Variants in SGCZ observed in about 807,000 individuals in gnomAD.
The protein encoded by SGCZ is sarcoglycan zeta, also known as zeta-sarcoglycan.
In SGCZ, 40 loss-of-function variants were observed where a neutral mutation model predicts 41.3. The observed-to-expected ratio is 0.97, with a 90% CI of 0.75 to 1.26. The LOEUF is 1.26. SGCZ is among the 50% of genes most tolerant of loss of function. The pLI is 0.00. For missense variants in SGCZ, 552 were observed against 369.8 expected, an observed-to-expected ratio of 1.49 and a Z score of -4.04; for synonymous variants, 206 against 137.5, an observed-to-expected ratio of 1.50 and a Z score of -3.49.
intron 1 of SGCZ, among the ~76,000 whole-genome samples, chr8:14,613,919 G>A (rs968341420): frequency 6.6e-6 from 1 of 152,100 alleles, no homozygotes; most frequent in East Asian, 1.9e-4. Flanking sequence ...TCTAGCAGAC[G>A]TTATCTTGCC....
intron 2 of SGCZ, among the ~76,000 whole-genome samples, chr8:14,453,006 G>A (rs1298748530): frequency 2.0e-5 from 3 of 152,038 alleles, no homozygotes; most frequent in Non-Finnish European, 2.9e-5. Context: ...GGGAGGCTGA[G>A]GCACAAGAAT....
Position 14,343,514 on chromosome 8 carries a change from A to C in SGCZ, c.235-19310T>G, listed in dbSNP as rs1057169134. Reference sequence around the variant, plus strand: ...ATGTTTTCCCTCAAGTCATTTGCTGATTAGAGGCTAAGGAGCTAAATTTAA... The same window carrying C: ...ATGTTTTCCCTCAAGTCATTTGCTGCTTAGAGGCTAAGGAGCTAAATTTAA... On this transcript the variant is annotated intron_variant, in intron 2 of 7. Transcript: ENST00000382080. 3.9e-5 allele frequency among the ~76,000 whole-genome samples: 6 copies of C among 152,218 alleles called. No homozygotes were observed. In the South Asian group the frequency reaches 8.3e-4, roughly 21 times the overall value.
chr8:14,506,889 C>T (rs957826544), intron 2 of SGCZ, among the ~76,000 whole-genome samples: 1 of 152,168 alleles, frequency 6.6e-6, no homozygotes. Flanking sequence ...CAGGCTCCTC[C>T]TCATCCCCTT....
chr8:14,594,699 A>G (rs1195079962), intron 1 of SGCZ, among the ~76,000 whole-genome samples: 1 of 151,934 alleles, frequency 6.6e-6, no homozygotes, highest in Non-Finnish European at 1.5e-5. Flanking sequence ...TAAAAATAAA[A>G]TATGAATAAC....
intron 1 of SGCZ, among the ~76,000 whole-genome samples, chr8:14,833,780 T>C (rs971592029): frequency 3.3e-5 from 5 of 151,260 alleles, no homozygotes; most frequent in Admixed American, 2.6e-4. Flanking sequence ...AGTCTTTCAA[T>C]CTTGGAAGAA....
chr8:14,089,600 T>C lies in SGCZ; in HGVS notation c.*843A>G, dbSNP rs1048494852. Among the ~76,000 whole-genome samples, 1 of 152,070 alleles carries C rather than the reference T, an allele frequency of 6.6e-6. No individual in the cohort carries two copies. The highest frequency in any genetic ancestry group is 2.4e-5 in the African/African-American group (1 of 41,436). On this transcript the variant is annotated 3_prime_UTR_variant, in exon 8 of 8. Coordinates refer to ENST00000382080, the MANE Select transcript of SGCZ (RefSeq NM_139167.4). The stretch of plus-strand genomic sequence containing the variant: ...ATTTTTTAAAAATCATCTATGGATT[T>C]AATACCATCAACATATCCTTCTTAA...
At chr8:14,139,305 C>T (rs1013597236) in intron 5 of SGCZ, among the ~76,000 whole-genome samples, 2 of 152,108 alleles carry the variant, frequency 1.3e-5, no homozygotes, top group Non-Finnish European at 2.9e-5. Flanking sequence ...AGAGCAAACA[C>T]ATTCCAAAGC....
intron 1 of SGCZ, among the ~76,000 whole-genome samples, chr8:14,798,542 G>A (rs28690756): frequency 6.6e-6 from 1 of 151,986 alleles, no homozygotes; most frequent in African/African-American, 2.4e-5. Context: ...AAAAAAGCAA[G>A]ACTTTGGAAA....
chr8:14,099,994 A>G (rs552630228), intron 7 of SGCZ, among the ~76,000 whole-genome samples: 1 of 152,304 alleles, frequency 6.6e-6, no homozygotes, highest in South Asian at 2.1e-4. Context: ...CATGACTGAT[A>G]CTAAGTAGTT....
At chr8:15,181,731 A>G (rs1297810636) in intron 1 of SGCZ, among the ~76,000 whole-genome samples, 1 of 152,214 alleles carries the variant, frequency 6.6e-6, no homozygotes, top group Non-Finnish European at 1.5e-5. Context: ...AACAGTTGTT[A>G]TGGGAAGTAA....
At chr8:15,079,668 G>C (rs2131042297) in intron 1 of SGCZ, among the ~76,000 whole-genome samples, 1 of 152,202 alleles carries the variant, frequency 6.6e-6, no homozygotes. Context: ...ATTGTTCAAA[G>C]GTTTTCCGAT....
rs547222900 is a variant in SGCZ, at chr8:14,811,330, C to T, written c.40-256404G>A. On this transcript the variant is annotated intron_variant, in intron 1 of 7. Transcript: ENST00000382080. ...TCAGTTTATACATATCAAAACCCAC[C>T]TATAAACTTTATTTGAATGATGAGC... Among the ~76,000 whole-genome samples, 19 of 151,826 alleles carry T rather than the reference C, an allele frequency of 1.3e-4. No individual in the cohort carries two copies. The South Asian group carries it at 3.7e-3, about 30-fold the overall frequency.
At chr8:14,507,189 G>A (rs562029148) in intron 2 of SGCZ, among the ~76,000 whole-genome samples, 1 of 149,328 alleles carries the variant, frequency 6.7e-6, no homozygotes, top group African/African-American at 2.5e-5. Flanking sequence ...TGCAAATCAA[G>A]TCAACTCTGC....
At chr8:14,235,172 C>G (rs762949566) in intron 4 of SGCZ, among the ~76,000 whole-genome samples, 16 of 152,100 alleles carry the variant, frequency 1.1e-4, no homozygotes, top group African/African-American at 3.9e-4. Context: ...GGCACCCAAC[C>G]AACTACTAAA....
chr8:14,697,126 C>G lies in SGCZ; in HGVS notation c.40-142200G>C, dbSNP rs924759957. 3.3e-5 allele frequency among the ~76,000 whole-genome samples: 5 copies of G among 151,934 alleles called. 1 individual carries two copies. Among genetic ancestry groups the G allele is most frequent in the African/African-American group, 1.2e-4 (5 of 41,390 alleles). The stretch of plus-strand genomic sequence containing the variant: ...CCCCCATCCCATCTCCCTGGTATAA[C>G]AAAACATTATATTCTAAAAATAAAA... On this transcript the variant is annotated intron_variant, in intron 1 of 7. Transcript: ENST00000382080.
intron 2 of SGCZ, among the ~76,000 whole-genome samples, chr8:14,424,268 G>C (rs936413147): frequency 6.6e-6 from 1 of 152,132 alleles, no homozygotes; most frequent in Admixed American, 6.6e-5. Flanking sequence ...AATGTTAGGT[G>C]CTAAAGCTAG....
chr8:14,143,577 A>C (rs1803435541), intron 5 of SGCZ, among the ~76,000 whole-genome samples: 1 of 152,316 alleles, frequency 6.6e-6, no homozygotes, highest in African/African-American at 2.4e-5. Flanking sequence ...AGGTAGAGCA[A>C]GATAGCAGAC....
chr8:14,452,853 A>G (rs1391796436), intron 2 of SGCZ, among the ~76,000 whole-genome samples: 2 of 152,182 alleles, frequency 1.3e-5, no homozygotes, highest in African/African-American at 4.8e-5. Context: ...TACAAATCCC[A>G]GCACCTTGGG....
intron 1 of SGCZ, among the ~76,000 whole-genome samples, chr8:14,987,862 T>G (rs1219682660): frequency 6.6e-6 from 1 of 152,038 alleles, no homozygotes; most frequent in Non-Finnish European, 1.5e-5. Flanking sequence ...TGTATTAAAT[T>G]GCCAGTAGTG....
Sources: allele counts gnomAD v4.1 joint callset (sites outside exome capture counted in the v4.1 genomes callset), GRCh38; gene constraint gnomAD v4.1.1; transcripts MANE v1.5; gene names NCBI Gene and HGNC (gene_info 2026-07-23, HGNC 2026-07-21).